Variants in USP48 observed in about 807,000 individuals in gnomAD.
The protein encoded by USP48 is ubiquitin carboxyl-terminal hydrolase 48.
Under a neutral mutation model 150.7 loss-of-function variants are expected in USP48, and 43 were observed. The observed-to-expected ratio is 0.29, with a 90% CI of 0.22 to 0.37. The LOEUF (loss-of-function observed/expected upper bound fraction) is 0.37, where lower values mean the gene tolerates loss of function less well. USP48 is among the 10% of genes least tolerant of loss of function. USP48 has a pLI of 1.00. For synonymous variants in USP48, 396 were observed against 425.9 expected (o/e 0.93, Z 0.86); for missense variants, 813 against 1,249.6 (o/e 0.65, Z 5.27).
intron 1 of USP48, among the ~76,000 whole-genome samples, chr1:21,765,901 C>CAAAAAAAAA (rs199539331): frequency 4.5e-5 from 5 of 112,150 alleles, no homozygotes; most frequent in African/African-American, 2.1e-4. Context: ...ACTCCATCTC[C>CAAAAAAAAA]AAAAAAAAAA....
intron 11 of USP48, chr1:21,725,204 C>T (rs1218941451): frequency 6.6e-6 from 1 of 152,196 alleles, no homozygotes; most frequent in African/African-American, 2.4e-5. Context: ...AGAGGAAGAG[C>T]ACAGGACTGT....
At chr1:21,721,802 TCAAA>T in intron 12 of USP48, 38 bp from the exon 13 acceptor site, 1 of 1,395,804 alleles carries the variant, frequency 7.2e-7, no homozygotes, top group Non-Finnish European at 9.8e-7. Context: ...TATATTTCAT[TCAAA>T]CAGACTTCCT....
intron 9 of USP48, among the ~76,000 whole-genome samples, chr1:21,736,205 T>A (rs1484731891): frequency 1.3e-5 from 2 of 152,130 alleles, no homozygotes; most frequent in Non-Finnish European, 2.9e-5. Flanking sequence ...CTAGCAGGTT[T>A]AGGCTGCAGT....
chr1:21,700,956 T>C (rs535525030), intron 22 of USP48, among the ~76,000 whole-genome samples: 1 of 151,080 alleles, frequency 6.6e-6, no homozygotes, highest in South Asian at 2.1e-4. Flanking sequence ...TCCCAGCTAC[T>C]TGGGAGGCTG....
At chr1:21,776,176 G>A (rs996801300) in intron 1 of USP48, among the ~76,000 whole-genome samples, 1 of 152,056 alleles carries the variant, frequency 6.6e-6, no homozygotes, top group Non-Finnish European at 1.5e-5. Flanking sequence ...CAACCTCACT[G>A]TTAACAAACA....
intron 1 of USP48, among the ~76,000 whole-genome samples, chr1:21,764,670 C>T (rs1201764431): frequency 6.7e-6 from 1 of 149,692 alleles, no homozygotes; most frequent in African/African-American, 2.5e-5. Context: ...CGTGATTGTG[C>T]CACCCCACAC....
At chr1:21,736,660 G>A (rs368130519) in intron 8 of USP48, 35 bp from the exon 9 acceptor site, 3 of 1,369,142 alleles carry the variant, frequency 2.2e-6, no homozygotes, top group Non-Finnish European at 2.9e-6. Context: ...AGAAACGTTG[G>A]ATAACAGTTA....
At chr1:21,753,237 C>T (rs1433770765) in intron 3 of USP48, 118 bp from the exon 4 acceptor site, 3 of 1,089,416 alleles carry the variant, frequency 2.8e-6, no homozygotes, top group East Asian at 2.8e-5. Context: ...TAGATTAATA[C>T]TTTATTATCA....
chr1:21,761,189 T>G (rs1367138043), intron 1 of USP48, among the ~76,000 whole-genome samples: 1 of 152,214 alleles, frequency 6.6e-6, no homozygotes, highest in East Asian at 1.9e-4. Flanking sequence ...CACACCCGTT[T>G]GTTTAGATAG....
intron 11 of USP48, chr1:21,724,575 C>T (rs2097731145): frequency 5.9e-6 from 1 of 169,686 alleles, no homozygotes; most frequent in South Asian, 1.7e-4. Flanking sequence ...CTGAAATAAA[C>T]CTCACCGACT....
intron 4 of USP48, 128 bp downstream of exon 4, chr1:21,752,864 A>G (rs2097820147): frequency 7.6e-7 from 1 of 1,309,036 alleles, no homozygotes; most frequent in Non-Finnish European, 1.0e-6. Context: ...CAGTAAATAA[A>G]GGTTTTCATT....
In USP48 at chr1:21,716,340, G is replaced by C. The variant is rs772473071; in HGVS notation, c.1895-883C>G. 9.2e-5 allele frequency among the ~76,000 whole-genome samples: 14 copies of C among 152,162 alleles called. No homozygotes were observed. In the South Asian group the frequency reaches 1.5e-3, roughly 16 times the overall value. On this transcript the variant is annotated intron_variant, in intron 14 of 26. Transcript: ENST00000308271. ...CCTACAGTCAATCTGAGCACCAAGAGGGTTGCTAGGTGACCAGTCAGTAGC... is the reference window on the plus strand; with the variant it reads ...CCTACAGTCAATCTGAGCACCAAGACGGTTGCTAGGTGACCAGTCAGTAGC...
chr1:21,713,825 T>C (rs1001010284), intron 15 of USP48, among the ~76,000 whole-genome samples: 14 of 152,144 alleles, frequency 9.2e-5, no homozygotes, highest in African/African-American at 3.4e-4. Flanking sequence ...TGTGCACCTG[T>C]AGTGTAAAAG....
chr1:21,735,477 A>G (rs758743691), intron 9 of USP48, among the ~76,000 whole-genome samples: 45 of 152,188 alleles, frequency 3.0e-4, no homozygotes, highest in Admixed American at 5.9e-4. Context: ...TTGGCCGGGC[A>G]TGATGGTTCA....
chr1:21,771,826 G>A (rs1273496928), intron 1 of USP48, among the ~76,000 whole-genome samples: 1 of 151,926 alleles, frequency 6.6e-6, no homozygotes. Flanking sequence ...GATGAGACAG[G>A]AGAATCGCTT....
chr1:21,701,418 A>T, intron 22 of USP48, 80 bp downstream of exon 22: 1 of 1,180,102 alleles, frequency 8.5e-7, no homozygotes, highest in Non-Finnish European at 1.3e-6. Flanking sequence ...CAGGGTACAG[A>T]GACATGGCCA....
At chr1:21,763,590 G>A (rs1393003483) in intron 1 of USP48, among the ~76,000 whole-genome samples, 1 of 152,224 alleles carries the variant, frequency 6.6e-6, no homozygotes, top group Non-Finnish European at 1.5e-5. Context: ...AAGGCGGGCA[G>A]ATCACCTGAG....
chr1:21,735,177 T>C (rs2097766006), intron 9 of USP48, among the ~76,000 whole-genome samples: 1 of 152,236 alleles, frequency 6.6e-6, no homozygotes. Flanking sequence ...GATCCTCCCC[T>C]ACCCACTTAA....
intron 22 of USP48, among the ~76,000 whole-genome samples, chr1:21,697,476 A>G (rs953848061): frequency 2.0e-5 from 3 of 152,140 alleles, no homozygotes; most frequent in Admixed American, 6.5e-5. Context: ...ATCCTGGCTA[A>G]CATGGTGAAA....
Sources: gnomAD v4.1 joint callset for allele counts (sites outside exome capture counted in the v4.1 genomes callset) on GRCh38, gnomAD v4.1.1 for gene constraint, MANE v1.5 for transcripts, NCBI Gene and HGNC (gene_info 2026-07-23, HGNC 2026-07-21) for gene names.